The following STXBP5L variants were observed in gnomAD, a reference collection of about 807,000 sequenced individuals.
STXBP5L encodes the protein syntaxin-binding protein 5-like.
STXBP5L carries 65 observed loss-of-function variants against 144.5 expected under a neutral mutation model. The ratio of observed to expected loss-of-function variants is 0.45; its 90% CI spans 0.37 to 0.55. The LOEUF (loss-of-function observed/expected upper bound fraction) is 0.55. Ranked by LOEUF, STXBP5L falls within the 20% of genes least tolerant of loss-of-function variation. STXBP5L has a pLI of 0.00. For missense variants in STXBP5L, 1,298 were observed against 1,405.5 expected (o/e 0.92, Z 1.22); for synonymous variants, 505 against 469.6 (o/e 1.08, Z -0.97).
chr3:121,053,975 A>T (rs1362643236), intron 5 of STXBP5L, among the ~76,000 whole-genome samples: 3 of 151,968 alleles, frequency 2.0e-5, no homozygotes, highest in Admixed American at 6.6e-5. Flanking sequence ...ATGCAGCCAA[A>T]AGACACATGA....
At chr3:121,191,457 C>A (rs1422812612) in intron 9 of STXBP5L, among the ~76,000 whole-genome samples, 2 of 152,130 alleles carry the variant, frequency 1.3e-5, no homozygotes, top group Non-Finnish European at 2.9e-5. Flanking sequence ...GAGAATCAGG[C>A]AGGGAGTTTG....
At chr3:121,323,022 C>T (rs2108541092) in intron 20 of STXBP5L, among the ~76,000 whole-genome samples, 1 of 152,204 alleles carries the variant, frequency 6.6e-6, no homozygotes, top group South Asian at 2.1e-4. Flanking sequence ...ATGTCTTTTG[C>T]CTACTCTTAA....
intron 19 of STXBP5L, among the ~76,000 whole-genome samples, chr3:121,297,611 G>A (rs1451639969): frequency 3.9e-5 from 6 of 152,106 alleles, no homozygotes. Flanking sequence ...AAAATTAGCT[G>A]GGTGTGGTGG....
intron 5 of STXBP5L, among the ~76,000 whole-genome samples, chr3:121,051,011 G>C (rs891912034): frequency 3.3e-5 from 5 of 152,142 alleles, no homozygotes; most frequent in Non-Finnish European, 7.3e-5. Context: ...ATGGTAAAGG[G>C]ATCAATTCAA....
At chr3:120,986,281 A>G (rs1045361448) in intron 3 of STXBP5L, among the ~76,000 whole-genome samples, 3 of 151,930 alleles carry the variant, frequency 2.0e-5, no homozygotes, top group South Asian at 2.1e-4. Flanking sequence ...TTTGAAATCT[A>G]GTGAGACTTA....
intron 2 of STXBP5L, among the ~76,000 whole-genome samples, chr3:120,939,106 A>G (rs1160210714): frequency 6.6e-6 from 1 of 152,142 alleles, no homozygotes; most frequent in Non-Finnish European, 1.5e-5. Flanking sequence ...GTAAGCCTCA[A>G]TTTCATCATT....
chr3:121,205,415 G>T (rs1026312327), intron 9 of STXBP5L, among the ~76,000 whole-genome samples: 3 of 152,156 alleles, frequency 2.0e-5, no homozygotes, highest in African/African-American at 7.2e-5. Context: ...CACAATAACT[G>T]TATTAATTCA....
chr3:121,071,413 A>T (rs902353292), intron 5 of STXBP5L, among the ~76,000 whole-genome samples: 2 of 152,170 alleles, frequency 1.3e-5, no homozygotes, highest in African/African-American at 2.4e-5. Context: ...GCATGGACCG[A>T]CCAGCCTCTG....
chr3:121,004,247 C>A (rs1051184004), intron 3 of STXBP5L, among the ~76,000 whole-genome samples: 18 of 151,738 alleles, frequency 1.2e-4, no homozygotes, highest in African/African-American at 3.9e-4. Flanking sequence ...TTGTAGCTCT[C>A]CTTGAAGAGG....
At chr3:120,972,889 T>C (rs894500190) in intron 3 of STXBP5L, among the ~76,000 whole-genome samples, 11 of 152,186 alleles carry the variant, frequency 7.2e-5, no homozygotes, top group Admixed American at 7.2e-4. Context: ...TTTGCATATG[T>C]TGAATCGTCC....
At chr3:120,951,672 T>A (rs1711238573) in intron 2 of STXBP5L, among the ~76,000 whole-genome samples, 1 of 151,698 alleles carries the variant, frequency 6.6e-6, no homozygotes, top group African/African-American at 2.4e-5. Flanking sequence ...CTGGAGAGGA[T>A]GTGGAGAAAT....
intron 9 of STXBP5L, among the ~76,000 whole-genome samples, chr3:121,203,936 A>G (rs1471487464): frequency 6.6e-6 from 1 of 152,000 alleles, no homozygotes; most frequent in African/African-American, 2.4e-5. Context: ...TCTATTTCTC[A>G]ATCTTAAGAC....
intron 20 of STXBP5L, among the ~76,000 whole-genome samples, chr3:121,361,337 G>A (rs980457477): frequency 2.0e-5 from 3 of 152,024 alleles, no homozygotes; most frequent in African/African-American, 7.2e-5. Context: ...TCTTTCTCTA[G>A]GTTTGGGAAG....
intron 5 of STXBP5L, among the ~76,000 whole-genome samples, chr3:121,055,160 GATAC>G (rs1223771221): frequency 3.3e-5 from 5 of 152,078 alleles, no homozygotes; most frequent in Admixed American, 6.6e-5. Flanking sequence ...TCTTAAGAAA[GATAC>G]ATACATATTG....
intron 2 of STXBP5L, among the ~76,000 whole-genome samples, chr3:120,938,545 G>A (rs965082511): frequency 1.3e-5 from 2 of 152,130 alleles, no homozygotes; most frequent in Non-Finnish European, 2.9e-5. Flanking sequence ...AAAACATTTG[G>A]TTATTATCCT....
At chr3:121,055,247 G>A (rs776624010) in intron 5 of STXBP5L, among the ~76,000 whole-genome samples, 12 of 152,104 alleles carry the variant, frequency 7.9e-5, no homozygotes, top group Non-Finnish European at 1.6e-4. Context: ...GAAGTATGGT[G>A]AATGGGAGGT....
chr3:121,167,466 A>G (rs1468568899), intron 9 of STXBP5L, among the ~76,000 whole-genome samples: 1 of 152,162 alleles, frequency 6.6e-6, no homozygotes, highest in Non-Finnish European at 1.5e-5. Context: ...GTAGACCTGG[A>G]AAGAGTATAG....
At position 121,422,360 on chromosome 3, in the gene STXBP5L, C is replaced by T. The variant is rs750746920; in HGVS notation, c.*3263C>T. 6.6e-5 allele frequency: 10 copies of T among 152,180 alleles called. No homozygotes were observed. Among genetic ancestry groups the T allele is most frequent in the South Asian group, 2.1e-4 (1 of 4,834 alleles). 9.4% of individuals were successfully genotyped at this position (152,180 alleles called of 1,614,324 possible). On this transcript the variant is annotated 3_prime_UTR_variant, in exon 27 of 27. Transcript: ENST00000471454. Reference sequence around the variant, plus strand: ...TAAGGCTTGCAAACCACAGTCCCAACAAGTTGACCTTGTCTCCCTATGATT... The same window carrying T: ...TAAGGCTTGCAAACCACAGTCCCAATAAGTTGACCTTGTCTCCCTATGATT...
chr3:121,079,531 C>T (rs2042165149), intron 5 of STXBP5L, among the ~76,000 whole-genome samples: 1 of 152,196 alleles, frequency 6.6e-6, no homozygotes, highest in Admixed American at 6.5e-5. Context: ...TTTAAAATTT[C>T]TATTACTGCT....
Sources: gnomAD v4.1 joint callset for allele counts (sites outside exome capture counted in the v4.1 genomes callset) on GRCh38, gnomAD v4.1.1 for gene constraint, MANE v1.5 for transcripts, NCBI Gene and HGNC (gene_info 2026-07-23, HGNC 2026-07-21) for gene names.